The following SNX3 variants were observed in gnomAD, a reference collection of about 807,000 sequenced individuals.
SNX3 encodes the protein sorting nexin-3.
SNX3 carries 5 observed loss-of-function variants against 17.7 expected under a neutral mutation model. The observed-to-expected ratio is 0.28, with a 90% confidence interval of 0.15 to 0.59. The LOEUF (loss-of-function observed/expected upper bound fraction) is 0.59, where lower values mean the gene tolerates loss of function less well. SNX3 is among the 20% of genes least tolerant of loss of function. The pLI is 0.88. For synonymous variants in SNX3, 91 were observed against 76.5 expected (o/e 1.19, Z -0.99); for missense variants, 132 against 206.8 (o/e 0.64, Z 2.22).
At chr6:108,213,028 C>T (rs1040318899) in intron 3 of SNX3, among the ~76,000 whole-genome samples, 3 of 151,636 alleles carry the variant, frequency 2.0e-5, no homozygotes, top group African/African-American at 7.3e-5. Context: ...GCTGGGACTA[C>T]AGGTAAACAC....
At chr6:108,253,082 T>C (rs764999519) in intron 1 of SNX3, among the ~76,000 whole-genome samples, 8 of 152,184 alleles carry the variant, frequency 5.3e-5, no homozygotes, top group Non-Finnish European at 1.2e-4. Flanking sequence ...TATCTAATAA[T>C]AACAGTCTAC....
At chr6:108,230,650 C>G (rs1775117956) in intron 1 of SNX3, among the ~76,000 whole-genome samples, 1 of 152,142 alleles carries the variant, frequency 6.6e-6, no homozygotes, top group Non-Finnish European at 1.5e-5. Flanking sequence ...TCATGGAGTT[C>G]AAAAGTTCTG....
chr6:108,243,722 C>T (rs1407023789), intron 1 of SNX3, among the ~76,000 whole-genome samples: 2 of 152,080 alleles, frequency 1.3e-5, no homozygotes, highest in African/African-American at 4.8e-5. Flanking sequence ...CACCTGAGGT[C>T]GAGAGTTTGA....
chr6:108,260,907 C>T lies in SNX3; in HGVS notation c.15G>A (p.Val5=), dbSNP rs1776177635. 4 of 1,605,700 alleles carry T rather than the reference C, an allele frequency of 2.5e-6. No individual in the cohort carries two copies. Among genetic ancestry groups the T allele is most frequent in the African/African-American group, 2.7e-5 (2 of 73,980 alleles). The change falls in exon 1 of 4, where the codon GTG becomes GTA. Residue 5 remains valine, a synonymous_variant. Transcript: ENST00000230085. MAET[V]ADTRRLITKP... ...TGGTGATCAGCCGCCGGGTGTCAGC[C>T]ACGGTCTCCGCCATTTCGCTGTAGC... is the stretch of plus-strand genomic sequence containing the variant.
intron 1 of SNX3, among the ~76,000 whole-genome samples, chr6:108,229,259 C>CAA (rs778617695): frequency 4.1e-4 from 28 of 68,654 alleles, no homozygotes; most frequent in Non-Finnish European, 6.7e-4. Context: ...GACTCCACCT[C>CAA]AAAAAAAAAA....
chr6:108,247,436 C>T (rs922125436), intron 1 of SNX3, among the ~76,000 whole-genome samples: 1 of 151,956 alleles, frequency 6.6e-6, no homozygotes, highest in East Asian at 1.9e-4. Context: ...GGCACGACCA[C>T]GGCTTAATGT....
rs201719524 is a variant in SNX3, at chr6:108,222,986, A to C, written c.222T>G (p.Phe74Leu). ...ESTVRRRYSD[F>L]EWLRSELERE... ...TTTCTAATTCACTTCGCAGCCATTC[A>C]AAGTCACTGTATCTTCTTCTAACAG... The change falls in exon 2 of 4, where the codon TTT becomes TTG. Residue 74 changes from phenylalanine (F) to leucine (L), a missense_variant. Transcript: ENST00000230085. The C allele has an allele frequency of 3.7e-6, 6 of 1,609,572 alleles. No individual in the cohort carries two copies. Among genetic ancestry groups the C allele is most frequent in the Non-Finnish European group, 5.1e-6 (6 of 1,177,182 alleles).
intron 1 of SNX3, chr6:108,252,449 G>A (rs1775894159): frequency 6.6e-6 from 1 of 152,348 alleles, no homozygotes; most frequent in African/African-American, 2.4e-5. Context: ...GATCTCAGAA[G>A]CTAAGCGGGG....
chr6:108,239,269 G>A (rs1359393657), intron 1 of SNX3, among the ~76,000 whole-genome samples: 4 of 152,028 alleles, frequency 2.6e-5, no homozygotes, highest in African/African-American at 4.8e-5. Flanking sequence ...ACCCGGGTTC[G>A]ACTCCTCTTT....
At chr6:108,234,265 T>C (rs1775257363) in intron 1 of SNX3, among the ~76,000 whole-genome samples, 1 of 141,848 alleles carries the variant, frequency 7.0e-6, no homozygotes, top group Non-Finnish European at 1.5e-5. Context: ...AACATATACA[T>C]GTGACAGCTG....
intron 1 of SNX3, among the ~76,000 whole-genome samples, chr6:108,255,856 CAT>C (rs751051565): frequency 2.0e-5 from 3 of 152,158 alleles, no homozygotes; most frequent in Non-Finnish European, 4.4e-5. Context: ...TAAGATGCTA[CAT>C]TTATTTAGCA....
Position 108,222,957 on chromosome 6 carries a change from T to G in SNX3, c.251A>C (p.Glu84Ala). ...FEWLRSELER[E>A]SKVVVPPLPG... The stretch of plus-strand genomic sequence containing the variant: ...ATCATAAATCATTCTTACCTTGCTC[T>G]CTCTTTCTAATTCACTTCGCAGCCA... Residue 84 changes from glutamate to alanine, a missense_variant, in exon 2 of 4, where the codon GAG becomes GCG. Physicochemically the swap from Glu to Ala is moderately radical, Grantham distance 107. This residue lies in a region of SNX3 where 54 missense variants were observed against 118.0 expected (regional missense o/e 0.46). Transcript: ENST00000230085. The G allele has an allele frequency of 6.3e-7, 1 of 1,583,598 alleles. No homozygotes were observed. Among genetic ancestry groups the G allele is most frequent in the Non-Finnish European group, 8.7e-7 (1 of 1,154,458 alleles).
chr6:108,235,633 C>T (rs951843868), intron 1 of SNX3, among the ~76,000 whole-genome samples: 4 of 152,190 alleles, frequency 2.6e-5, no homozygotes, highest in Non-Finnish European at 5.9e-5. Flanking sequence ...CGGTGGCTCA[C>T]ACCTGTAATC....
At chr6:108,226,250 CT>C (rs1774970821) in intron 1 of SNX3, among the ~76,000 whole-genome samples, 1 of 151,998 alleles carries the variant, frequency 6.6e-6, no homozygotes, top group Non-Finnish European at 1.5e-5. Flanking sequence ...AATTTTTGTA[CT>C]TTTGGTGAGA....
intron 1 of SNX3, among the ~76,000 whole-genome samples, chr6:108,247,557 A>AC (rs1434877167): frequency 2.0e-5 from 3 of 151,878 alleles, no homozygotes; most frequent in African/African-American, 4.8e-5. Context: ...AAACAAACAA[A>AC]AAAAAACAAC....
intron 2 of SNX3, chr6:108,222,084 G>C (rs1302779194): frequency 3.7e-6 from 2 of 544,404 alleles, no homozygotes; most frequent in Non-Finnish European, 5.6e-6. Flanking sequence ...GGAATGCTAT[G>C]ATCTGCATAT....
intron 1 of SNX3, among the ~76,000 whole-genome samples, chr6:108,224,559 C>T (rs576199964): frequency 1.7e-3 from 261 of 152,258 alleles, no homozygotes; most frequent in Non-Finnish European, 1.9e-3. Flanking sequence ...GGATTACAGG[C>T]GTGAGCCACC....
chr6:108,249,646 G>C (rs1445791673), intron 1 of SNX3, among the ~76,000 whole-genome samples: 1 of 151,972 alleles, frequency 6.6e-6, no homozygotes, highest in Non-Finnish European at 1.5e-5. Context: ...AAAAGGTTTC[G>C]AGTGAGAAAA....
intron 1 of SNX3, among the ~76,000 whole-genome samples, chr6:108,229,336 GGAA>G (rs1300222798): frequency 6.6e-6 from 1 of 151,448 alleles, no homozygotes; most frequent in East Asian, 1.9e-4. Flanking sequence ...TGAAAAGCAC[GGAA>G]GAATTGACAA....
Sources: allele counts gnomAD v4.1 joint callset (sites outside exome capture counted in the v4.1 genomes callset), GRCh38; gene constraint gnomAD v4.1.1; regional missense constraint gnomAD v4.1.1; transcripts MANE v1.5; gene names NCBI Gene and HGNC (gene_info 2026-07-23, HGNC 2026-07-21).